TKTL1: variants seen among roughly 807,000 people sequenced by gnomAD.
TKTL1 encodes transketolase like 1, also known as transketolase-like protein 1.
A neutral mutation model predicts 39.3 loss-of-function variants in TKTL1; 1 was observed. The observed-to-expected ratio is 0.03, with a 90% CI of 0.01 to 0.12. The LOEUF is 0.12. Ranked by LOEUF, TKTL1 falls within the 10% of genes least tolerant of loss-of-function variation. The pLI, the probability that TKTL1 is intolerant of heterozygous loss-of-function variation, is 1.00. For synonymous variants in TKTL1, 262 were observed against 193.8 expected (o/e 1.35, Z -2.92); for missense variants, 575 against 509.6 (o/e 1.13, Z -1.24).
At chrX:154,317,062 G>A (rs1390072111) in intron 7 of TKTL1, among the ~76,000 whole-genome samples, 2 of 111,201 alleles carry the variant, frequency 1.8e-5, no homozygotes, top group Non-Finnish European at 3.8e-5. Flanking sequence ...GAGCCCCCGA[G>A]CCTGGCTCAT....
At chrX:154,302,449 C>T (rs2067281303) in intron 1 of TKTL1, among the ~76,000 whole-genome samples, 1 of 110,894 alleles carries the variant, frequency 9.0e-6, no homozygotes, top group Non-Finnish European at 1.9e-5. Context: ...TCAGTTCTGG[C>T]GAGGACCTGC....
chrX:154,323,189 G>A lies in TKTL1; in HGVS notation c.1187-18G>A, dbSNP rs781871246. On this transcript the variant is annotated intron_variant, in intron 8 of 12. Transcript: ENST00000369915. ...ATGGGGTTATGCTCCTGTTTTCATCGGGCTCTGGTTCTCTCAGGTGACGAT... is the reference window on the plus strand; with the variant it reads ...ATGGGGTTATGCTCCTGTTTTCATCAGGCTCTGGTTCTCTCAGGTGACGAT... 4.2e-5 allele frequency: 51 copies of A among 1,206,001 alleles called. 1 individual carries two copies. The highest frequency in any genetic ancestry group is 4.1e-4 in the South Asian group (23 of 55,922).
chrX:154,309,248 A>C, intron 2 of TKTL1, 97 bp from the exon 3 acceptor site: 1 of 716,889 alleles, frequency 1.4e-6, no homozygotes, highest in Admixed American at 2.3e-5. Context: ...GGACGCTGCT[A>C]CAGAGCTGAC....
At position 154,310,184 on chromosome X, in the gene TKTL1, C is replaced by T. The variant is rs1160953375; in HGVS notation, c.351-652C>T. Among the ~76,000 whole-genome samples, 9 of 110,856 alleles carry T rather than the reference C, an allele frequency of 8.1e-5. No homozygotes were observed. The East Asian group carries it at 2.3e-3, about 29-fold the overall frequency. ...AGAACTAGCAGGTGGCGGCGGGAGG[C>T]GGTGGCTCACGCCTGTAATCCCAGC... On this transcript the variant is annotated intron_variant, in intron 3 of 12. Coordinates refer to ENST00000369915, the MANE Select transcript of TKTL1 (RefSeq NM_012253.4).
At chrX:154,304,955 G>C (rs1033866963) in intron 1 of TKTL1, 1 of 934,031 alleles carries the variant, frequency 1.1e-6, no homozygotes, top group Non-Finnish European at 1.4e-6. Flanking sequence ...GGATCTTCAT[G>C]GCATTTCTGA....
At chrX:154,297,598 G>T (rs2067240944) in intron 1 of TKTL1, among the ~76,000 whole-genome samples, 1 of 111,693 alleles carries the variant, frequency 9.0e-6, no homozygotes, top group Non-Finnish European at 1.9e-5. Context: ...GGTATCAAAA[G>T]TGTAATGCTG....
At chrX:154,312,385 C>A (rs1365632120) in intron 5 of TKTL1, among the ~76,000 whole-genome samples, 195 bp from the exon 6 acceptor site, 1 of 111,986 alleles carries the variant, frequency 8.9e-6, no homozygotes, top group African/African-American at 3.2e-5. Context: ...ACCCCTGTCT[C>A]AAAACAAAAA....
intron 6 of TKTL1, among the ~76,000 whole-genome samples, chrX:154,313,157 A>G (rs2148807486): frequency 9.0e-6 from 1 of 111,253 alleles, no homozygotes; most frequent in Non-Finnish European, 1.9e-5. Context: ...GAATTTTCTG[A>G]TTGGTCAATT....
chrX:154,312,843 T>C (rs1212102152), intron 6 of TKTL1, 70 bp downstream of exon 6: 4 of 995,475 alleles, frequency 4.0e-6, no homozygotes, highest in Non-Finnish European at 5.5e-6. Flanking sequence ...GTTGTTCGTA[T>C]GTACACAGGA....
At position 154,311,250 on chromosome X, in the gene TKTL1, C is replaced by G. The variant is rs781949363; in HGVS notation, c.670+12C>G. ...CCGGGGCACCCCAAGTAAGCAAGCA[C>G]TTTCCTCCTGCTCCTGGTTGTTAAA... On this transcript the variant is annotated intron_variant, in intron 5 of 12. Transcript: ENST00000369915. The G allele has an allele frequency of 1.7e-6, 2 of 1,210,899 alleles. No homozygotes were observed. Among genetic ancestry groups the G allele is most frequent in the East Asian group, 5.9e-5 (2 of 33,821 alleles).
At chrX:154,320,570 C>T (rs1206212058) in intron 7 of TKTL1, 187 bp from the exon 8 acceptor site, 7 of 457,362 alleles carry the variant, frequency 1.5e-5, no homozygotes, top group East Asian at 7.1e-5. Context: ...GAGTTGAGGG[C>T]GCCGTCTGAG....
At chrX:154,302,613 C>T (rs1452175064) in intron 1 of TKTL1, among the ~76,000 whole-genome samples, 2 of 111,782 alleles carry the variant, frequency 1.8e-5, no homozygotes, top group African/African-American at 6.5e-5. Context: ...GTCACACTGG[C>T]ATTAGGATTT....
chrX:154,320,150 A>C (rs1047268343), intron 7 of TKTL1, among the ~76,000 whole-genome samples: 1 of 112,267 alleles, frequency 8.9e-6, no homozygotes, highest in Non-Finnish European at 1.9e-5. Context: ...GTCACAGGCC[A>C]CCCAAGGTCA....
At chrX:154,317,477 G>A (rs1557169587) in intron 7 of TKTL1, among the ~76,000 whole-genome samples, 1 of 112,249 alleles carries the variant, frequency 8.9e-6, no homozygotes, top group African/African-American at 3.2e-5. Context: ...CAAGTGGTAG[G>A]AGCATGGTGA....
rs374013178 is a variant in TKTL1 at position 154,305,307 on chromosome X, C to T, written c.138C>T (p.His46=). The T allele has an allele frequency of 2.2e-5, 26 of 1,204,872 alleles. No homozygotes were observed. The Admixed American group carries it at 5.7e-4, about 26-fold the overall frequency. The change falls in exon 2 of 13, where the codon CAC becomes CAT. Residue 46 remains histidine (H), a synonymous_variant. Coordinates refer to ENST00000369915, the MANE Select transcript of TKTL1 (RefSeq NM_012253.4). ...IRATCSTSSG[H]PTSCSSSSEI... is the part of the protein sequence containing the mutation. The stretch of plus-strand genomic sequence containing the variant: ...CAGTGTCATGTCTGTCTTTCAGCCA[C>T]CCTACATCATGTAGCAGTTCTTCTG...
chrX:154,324,303 A>C (rs1212610753), intron 9 of TKTL1, among the ~76,000 whole-genome samples: 1 of 110,933 alleles, frequency 9.0e-6, no homozygotes, highest in Non-Finnish European at 1.9e-5. Flanking sequence ...ACGGCCGGCT[A>C]ATTTTTGTAT....
intron 5 of TKTL1, among the ~76,000 whole-genome samples, 200 bp downstream of exon 5, chrX:154,311,438 T>A (rs1201622772): frequency 8.9e-6 from 1 of 112,164 alleles, no homozygotes; most frequent in African/African-American, 3.2e-5. Flanking sequence ...TCAAAAGCCC[T>A]AGCAGGTGAA....
At chrX:154,302,789 T>C (rs188661622) in intron 1 of TKTL1, among the ~76,000 whole-genome samples, 85 of 111,330 alleles carry the variant, frequency 7.6e-4, no homozygotes, top group African/African-American at 2.7e-3. Flanking sequence ...AGTGTCCTTA[T>C]AAGAGAAAGA....
chrX:154,305,297 C>CT lies in TKTL1; in HGVS notation c.135-4dup, dbSNP rs1325912672. 1 of 1,202,252 alleles carries CT rather than the reference C, an allele frequency of 8.3e-7. No individual in the cohort carries two copies. Among genetic ancestry groups the CT allele is most frequent in the African/African-American group, 1.8e-5 (1 of 57,050 alleles). ...GAGAAATGACCAGTGTCATGTCTGT[C>CT]TTTCAGCCACCCTACATCATGTAGC... is the stretch of plus-strand genomic sequence containing the variant. On this transcript the variant is annotated splice_polypyrimidine_tract_variant and splice_region_variant and intron_variant, in intron 1 of 12. Transcript: ENST00000369915.
Sources: gnomAD v4.1 joint callset for allele counts (sites outside exome capture counted in the v4.1 genomes callset) on GRCh38, gnomAD v4.1.1 for gene constraint, MANE v1.5 for transcripts, NCBI Gene and HGNC (gene_info 2026-07-23, HGNC 2026-07-21) for gene names.